Variants in NBAS observed in about 807,000 individuals in gnomAD.
The protein encoded by NBAS is NBAS subunit of NRZ tethering complex.
In NBAS, 219 loss-of-function variants were observed where a neutral mutation model predicts 302.5. That is an observed-to-expected ratio of 0.72 (90% CI 0.65 to 0.81). NBAS has a LOEUF of 0.81. Among genes scored for constraint, NBAS ranks in the 30% least tolerant of loss-of-function variants. The pLI is 0.00. For missense variants in NBAS, 2,932 were observed against 2,841.6 expected (o/e 1.03, Z -0.72); for synonymous variants, 1,118 against 1,021.6 (o/e 1.09, Z -1.80).
At chr2:15,530,323 A>AT (rs1336278841) in intron 9 of NBAS, among the ~76,000 whole-genome samples, 2 of 152,162 alleles carry the variant, frequency 1.3e-5, no homozygotes. Context: ...CTTAAGAAAG[A>AT]TTTTTAAAAG....
At chr2:15,138,484 A>G in the NBAS span, among the ~76,000 whole-genome samples, 17 of 152,254 alleles carry the variant, frequency 1.1e-4, no homozygotes, top group Admixed American at 2.0e-4. Flanking sequence ...TTTATTCTGC[A>G]CTAGGACCTG....
At chr2:14,893,990 G>A in the NBAS span, among the ~76,000 whole-genome samples, 4 of 152,156 alleles carry the variant, frequency 2.6e-5, no homozygotes, top group African/African-American at 9.7e-5. Flanking sequence ...TGCTGGGATT[G>A]ATACAAAATA....
the NBAS span, among the ~76,000 whole-genome samples, chr2:14,908,910 C>A: frequency 1.3e-5 from 2 of 152,086 alleles, no homozygotes; most frequent in African/African-American, 4.8e-5. Flanking sequence ...TGTGTTAGGA[C>A]CCCCTAGGGA....
the NBAS span, among the ~76,000 whole-genome samples, chr2:15,044,789 T>C: frequency 6.6e-6 from 1 of 152,222 alleles, no homozygotes; most frequent in Non-Finnish European, 1.5e-5. Context: ...GGAGTTACCC[T>C]AGCTTTCATG....
At chr2:15,481,620 T>G (rs1325670193) in intron 12 of NBAS, among the ~76,000 whole-genome samples, 1 of 148,450 alleles carries the variant, frequency 6.7e-6, no homozygotes, top group African/African-American at 2.5e-5. Flanking sequence ...CATGGCACCA[T>G]GTGAATACAT....
rs115326666 is a variant in NBAS at position 15,400,961 on chromosome 2, T to C, written c.3071+1207A>G. Reference sequence around the variant, plus strand: ...AAATTAGAAGTTCAACCTAAAAGACTGATTAGACTCAGGGTAAACAACTTT... The same window carrying C: ...AAATTAGAAGTTCAACCTAAAAGACCGATTAGACTCAGGGTAAACAACTTT... On this transcript the variant is annotated intron_variant, in intron 26 of 51. Transcript: ENST00000281513. 6.7e-3 allele frequency among the ~76,000 whole-genome samples: 1,025 copies of C among 152,306 alleles called. 12 individuals carry two copies. The highest frequency in any genetic ancestry group is 0.022 in the African/African-American group (926 of 41,568).
chr2:15,246,569 A>C (rs897261158), intron 44 of NBAS, among the ~76,000 whole-genome samples: 8 of 152,232 alleles, frequency 5.3e-5, no homozygotes, highest in Non-Finnish European at 1.2e-4. Flanking sequence ...AAAATTACCC[A>C]GTTACTCTGC....
chr2:15,245,609 G>GGATGGATA (rs930794709), intron 44 of NBAS, among the ~76,000 whole-genome samples: 1 of 37,438 alleles, frequency 2.7e-5, no homozygotes, highest in African/African-American at 1.9e-4. Flanking sequence ...TTGAATGGAA[G>GGATGGATA]GATGGATGGA....
At chr2:15,396,576 A>T in intron 26 of NBAS, 101 bp from the exon 27 acceptor site, 1 of 731,264 alleles carries the variant, frequency 1.4e-6, no homozygotes, top group Non-Finnish European at 2.3e-6. Context: ...TGTTTCTTTT[A>T]TATGTAATGT....
intron 6 of NBAS, among the ~76,000 whole-genome samples, chr2:15,543,709 A>G (rs1244862433): frequency 1.3e-5 from 2 of 152,196 alleles, no homozygotes; most frequent in African/African-American, 4.8e-5. Context: ...CACAAGAACA[A>G]TATGGGTGAA....
At chr2:15,257,745 A>T (rs1463156678) in intron 44 of NBAS, among the ~76,000 whole-genome samples, 1 of 152,208 alleles carries the variant, frequency 6.6e-6, no homozygotes. Context: ...TTAAAAATTA[A>T]TTTTTAACAA....
chr2:15,169,013 G>T (rs574706185), intron 51 of NBAS, among the ~76,000 whole-genome samples: 1 of 152,162 alleles, frequency 6.6e-6, no homozygotes, highest in Non-Finnish European at 1.5e-5. Context: ...TTACATTTCA[G>T]CTCCCCATTT....
intron 9 of NBAS, among the ~76,000 whole-genome samples, chr2:15,522,686 C>T (rs1209868484): frequency 6.6e-6 from 1 of 152,018 alleles, no homozygotes; most frequent in African/African-American, 2.4e-5. Context: ...AATTAATAAC[C>T]AAGTTTAACG....
intron 48 of NBAS, among the ~76,000 whole-genome samples, chr2:15,216,313 A>G (rs1175976245): frequency 6.6e-6 from 1 of 152,178 alleles, no homozygotes; most frequent in Non-Finnish European, 1.5e-5. Context: ...AAACAAAAAG[A>G]GTGAGGGGGA....
intron 39 of NBAS, 24 bp downstream of exon 39, chr2:15,309,147 C>A: frequency 1.3e-6 from 2 of 1,591,982 alleles, no homozygotes; most frequent in Non-Finnish European, 1.7e-6. Context: ...ATTTTAAATT[C>A]TTCATTGGTA....
chr2:15,492,371 A>G (rs764938858), intron 11 of NBAS, among the ~76,000 whole-genome samples: 1 of 152,220 alleles, frequency 6.6e-6, no homozygotes, highest in Admixed American at 6.5e-5. Flanking sequence ...GTAGCCACTC[A>G]AGATTCTCAA....
chr2:15,085,248 G>C, the NBAS span, among the ~76,000 whole-genome samples: 4 of 152,120 alleles, frequency 2.6e-5, no homozygotes, highest in East Asian at 1.9e-4. Flanking sequence ...AAGTGAGAGC[G>C]GCACCCACTT....
the NBAS span, among the ~76,000 whole-genome samples, chr2:14,959,597 C>T: frequency 1.3e-5 from 2 of 152,186 alleles, no homozygotes; most frequent in Non-Finnish European, 2.9e-5. Context: ...CATTTCTAAA[C>T]ATTAGTTAAC....
At chr2:15,442,565 T>G (rs574387633) in intron 21 of NBAS, among the ~76,000 whole-genome samples, 105 of 151,946 alleles carry the variant, frequency 6.9e-4, no homozygotes, top group African/African-American at 2.4e-3. Flanking sequence ...GATCCCAAAT[T>G]GACACCTTAA....
Sources: allele counts gnomAD v4.1 joint callset (sites outside exome capture counted in the v4.1 genomes callset), GRCh38; gene constraint gnomAD v4.1.1; transcripts MANE v1.5; gene names NCBI Gene and HGNC (gene_info 2026-07-23, HGNC 2026-07-21).